The following CTBP2 variants were observed in gnomAD, a reference collection of about 807,000 sequenced individuals.
CTBP2 encodes the protein C-terminal-binding protein 2.
Under a neutral mutation model 80.3 loss-of-function variants are expected in CTBP2, and 30 were observed. The ratio of observed to expected loss-of-function variants is 0.37; its 90% CI spans 0.28 to 0.51. CTBP2 has a LOEUF of 0.51. Ranked by LOEUF, CTBP2 falls within the 20% of genes least tolerant of loss-of-function variation. The probability of loss-of-function intolerance (pLI) is 0.93; values close to 1 mark genes in which losing one functional copy is unlikely to be tolerated. For synonymous variants in CTBP2, 594 were observed against 587.4 expected (o/e 1.01, Z -0.16); for missense variants, 1,212 against 1,375.3 (o/e 0.88, Z 1.88).
chr10:125,092,107 G>A (rs903009223), intron 2 of CTBP2, among the ~76,000 whole-genome samples: 1 of 151,044 alleles, frequency 6.6e-6, no homozygotes, highest in African/African-American at 2.4e-5. Context: ...GTGCATTAGA[G>A]CTTTCTTGGC....
chr10:125,110,927 C>T (rs924837761), intron 2 of CTBP2, 63 bp downstream of exon 2: 3 of 152,472 alleles, frequency 2.0e-5, no homozygotes, highest in Non-Finnish European at 2.9e-5. Context: ...TAATTGAACA[C>T]ACATTGCAAA....
intron 2 of CTBP2, among the ~76,000 whole-genome samples, chr10:125,087,532 T>C (rs572639647): frequency 1.2e-4 from 19 of 152,286 alleles, no homozygotes; most frequent in African/African-American, 4.6e-4. Context: ...CAAAGGTCTG[T>C]CTTCCAAAGA....
At chr10:125,093,169 CAT>C (rs1475012658) in intron 2 of CTBP2, among the ~76,000 whole-genome samples, 4 of 152,228 alleles carry the variant, frequency 2.6e-5, no homozygotes. Flanking sequence ...GTGCTTTCTA[CAT>C]GAGCATCTTT....
intron 1 of CTBP2, among the ~76,000 whole-genome samples, chr10:125,135,938 T>C (rs565217796): frequency 6.6e-6 from 1 of 152,168 alleles, no homozygotes; most frequent in Admixed American, 6.5e-5. Context: ...CTTACCTGAT[T>C]CTCCAGCCCA....
chr10:125,038,625 A>G (rs1421208245), intron 3 of CTBP2, among the ~76,000 whole-genome samples: 1 of 152,244 alleles, frequency 6.6e-6, no homozygotes, highest in Non-Finnish European at 1.5e-5. Context: ...GGAATTCAGC[A>G]TTGTAAATAT....
intron 1 of CTBP2, among the ~76,000 whole-genome samples, chr10:125,125,487 AC>A (rs1209611757): frequency 6.6e-6 from 1 of 152,254 alleles, no homozygotes. Context: ...GTAAGGAGGT[AC>A]TAAGCATCAT....
At chr10:125,069,061 C>A (rs978657252) in intron 2 of CTBP2, among the ~76,000 whole-genome samples, 2 of 152,080 alleles carry the variant, frequency 1.3e-5, no homozygotes, top group African/African-American at 4.8e-5. Context: ...CTGGTGCCCA[C>A]CCCCACCACT....
intron 1 of CTBP2, among the ~76,000 whole-genome samples, chr10:125,139,947 A>C (rs944921497): frequency 9.2e-5 from 14 of 152,252 alleles, no homozygotes; most frequent in Admixed American, 2.0e-4. Context: ...ACCGGTGGCC[A>C]CACACATTCG....
intron 1 of CTBP2, among the ~76,000 whole-genome samples, chr10:125,021,696 G>T (rs1251455719): frequency 1.3e-5 from 2 of 152,226 alleles, no homozygotes; most frequent in African/African-American, 4.8e-5. Flanking sequence ...GTCACAACCA[G>T]GGCCTCAGAG....
In CTBP2 at chr10:125,094,390, T is replaced by G. The variant is rs543679304; in HGVS notation, c.-102+16600A>C. ...CGGCTCAGAGCAGGGCCCTTCCATCTGCAATCAAGGAGAAAAAGGGACGGA... is the reference window on the plus strand; with the variant it reads ...CGGCTCAGAGCAGGGCCCTTCCATCGGCAATCAAGGAGAAAAAGGGACGGA... On this transcript the variant is annotated intron_variant, in intron 2 of 10. Coordinates refer to the CTBP2 transcript ENST00000337195. Among the ~76,000 whole-genome samples, 3 of 152,236 alleles carry G rather than the reference T, an allele frequency of 2.0e-5. No individual in the cohort carries two copies. In the East Asian group the frequency reaches 5.8e-4, roughly 29 times the overall value.
intron 2 of CTBP2, among the ~76,000 whole-genome samples, chr10:125,072,365 A>G (rs187223625): frequency 3.3e-5 from 5 of 152,256 alleles, no homozygotes; most frequent in Non-Finnish European, 5.9e-5. Context: ...CTGTAATTCC[A>G]GCATTTTGAG....
intron 2 of CTBP2, among the ~76,000 whole-genome samples, chr10:125,093,326 A>C (rs1313301942): frequency 6.6e-6 from 1 of 152,236 alleles, no homozygotes; most frequent in Non-Finnish European, 1.5e-5. Flanking sequence ...ATTCTCACTG[A>C]AGAATTCCAG....
intron 1 of CTBP2, among the ~76,000 whole-genome samples, chr10:125,129,282 G>A (rs1855764881): frequency 6.6e-6 from 1 of 152,136 alleles, no homozygotes; most frequent in South Asian, 2.1e-4. Flanking sequence ...CGGAGTGACT[G>A]TAGCTCTTGG....
upstream of CTBP2, among the ~76,000 whole-genome samples, chr10:125,031,851 A>G (rs1052304987): frequency 6.6e-6 from 1 of 152,336 alleles, no homozygotes; most frequent in Non-Finnish European, 1.5e-5. Flanking sequence ...CAGGAGAGTG[A>G]CGTCGAGTGT....
At chr10:125,053,755 G>C (rs1032734877) in intron 2 of CTBP2, among the ~76,000 whole-genome samples, 4 of 152,132 alleles carry the variant, frequency 2.6e-5, no homozygotes, top group Non-Finnish European at 5.9e-5. Context: ...CGGGTCTGAT[G>C]AGTGGGAAGA....
chr10:124,986,896 G>GAC lies in CTBP2; in HGVS notation c.*2621_*2622insGT, dbSNP rs1952059522. On this transcript the variant is annotated 3_prime_UTR_variant, in exon 9 of 9. Transcript: ENST00000309035. Reference sequence around the variant, plus strand: ...TGCATTGCAGCCAGCGTTGTCCAGAGTACACGCTCAGCACTTAGCTTCTAC... The same window carrying GAC: ...TGCATTGCAGCCAGCGTTGTCCAGAGACTACACGCTCAGCACTTAGCTTCTAC... 6.6e-6 allele frequency: 1 copy of GAC among 151,782 alleles called. No homozygotes were observed. The highest frequency in any genetic ancestry group is 2.4e-5 in the African/African-American group (1 of 41,248). 9.4% of individuals were successfully genotyped at this position (151,782 alleles called of 1,614,324 possible).
In CTBP2 at chr10:125,027,796, G is replaced by A. The variant is rs773571171; in HGVS notation, c.-37C>T. 4.3e-5 allele frequency: 63 copies of A among 1,479,516 alleles called. 2 individuals are homozygous for A. The South Asian group carries it at 8.0e-4, about 19-fold the overall frequency. The allele number at this position is 1,479,516 out of a possible 1,614,324, so 91.6% of individuals were successfully genotyped here. A position where few individuals can be genotyped will look rare whatever the true frequency, so the allele number is the denominator to read the frequency against. Reference sequence around the variant, plus strand: ...TGACTGCGGATGAGGCAGAGGAGAAGCTTTTCTTTATAAATCTTCAATTAC... The same window carrying A: ...TGACTGCGGATGAGGCAGAGGAGAAACTTTTCTTTATAAATCTTCAATTAC... On this transcript the variant is annotated 5_prime_UTR_variant, in exon 1 of 9. Transcript: ENST00000309035.
chr10:125,081,981 G>T (rs1027888395), intron 2 of CTBP2, among the ~76,000 whole-genome samples: 2 of 151,840 alleles, frequency 1.3e-5, no homozygotes, highest in East Asian at 3.9e-4. Flanking sequence ...GGCCAGCATG[G>T]TCAGCGCTGC....
At chr10:125,006,030 G>A in intron 1 of CTBP2, 1 of 1,409,032 alleles carries the variant, frequency 7.1e-7, no homozygotes. Flanking sequence ...TCCATCCGCA[G>A]CATCATCAGT....
Sources: gnomAD v4.1 joint callset for allele counts (sites outside exome capture counted in the v4.1 genomes callset) on GRCh38, gnomAD v4.1.1 for gene constraint, MANE v1.5 for transcripts, NCBI Gene and HGNC (gene_info 2026-07-23, HGNC 2026-07-21) for gene names.